The following SPAG16 variants were observed in gnomAD, a reference collection of about 807,000 sequenced individuals.
SPAG16 encodes the protein sperm associated antigen 16.
SPAG16 carries 86 observed loss-of-function variants against 80.4 expected under a neutral mutation model. That is an observed-to-expected ratio of 1.07 (90% confidence interval 0.90 to 1.28). SPAG16 has a LOEUF of 1.28. Among genes scored for constraint, SPAG16 ranks in the 50% most tolerant of loss-of-function variants. The pLI is 0.00. For synonymous variants in SPAG16, 294 were observed against 265.9 expected (o/e 1.11, Z -1.03); for missense variants, 870 against 765.3 (o/e 1.14, Z -1.61).
intron 12 of SPAG16, among the ~76,000 whole-genome samples, chr2:213,976,135 T>TATATATATACACACACACACAC (rs749957411): frequency 2.5e-4 from 20 of 81,398 alleles, no homozygotes; most frequent in African/African-American, 7.2e-4. Flanking sequence ...TATATATATA[T>TATATATATACACACACACACAC]ACACACACAC....
At chr2:214,331,391 A>G (rs1696902571) in intron 15 of SPAG16, among the ~76,000 whole-genome samples, 1 of 152,212 alleles carries the variant, frequency 6.6e-6, no homozygotes, top group Non-Finnish European at 1.5e-5. Flanking sequence ...TGAAGTGACC[A>G]GGTGGCAATC....
intron 13 of SPAG16, among the ~76,000 whole-genome samples, chr2:214,027,744 G>T (rs933492940): frequency 6.6e-6 from 1 of 151,642 alleles, no homozygotes; most frequent in African/African-American, 2.4e-5. Context: ...TAAGCATAAG[G>T]CTACCATTGA....
chr2:213,597,105 C>T (rs1422020879), intron 10 of SPAG16, among the ~76,000 whole-genome samples: 1 of 152,112 alleles, frequency 6.6e-6, no homozygotes, highest in African/African-American at 2.4e-5. Context: ...CAGAAGTGAC[C>T]TTGTCACAAA....
chr2:214,272,637 C>T lies in SPAG16; in HGVS notation c.1720+123371C>T, dbSNP rs569071064. ...GACATGAACTCATCCTTTTTTATGG[C>T]TGCATAGTATTCCATGGTGTATATG... On this transcript the variant is annotated intron_variant, in intron 15 of 15. Coordinates refer to ENST00000331683, the MANE Select transcript of SPAG16 (RefSeq NM_024532.5). 1.2e-3 allele frequency among the ~76,000 whole-genome samples: 190 copies of T among 152,316 alleles called. 1 individual carries two copies. In the Middle Eastern group the frequency reaches 0.014, roughly 11 times the overall value.
Position 213,296,678 on chromosome 2 carries a change from T to C in SPAG16, c.183+568T>C, listed in dbSNP as rs1376440557. 2.6e-5 allele frequency among the ~76,000 whole-genome samples: 4 copies of C among 152,162 alleles called. No homozygotes were observed. The East Asian group carries it at 7.7e-4, about 29-fold the overall frequency. On this transcript the variant is annotated intron_variant, in intron 2 of 15. Transcript: ENST00000331683. ...GAGCCTGGGTGAGCAAGAGACAGGA[T>C]GAAAATTGGAGACAGGCTTTTTATT...
intron 12 of SPAG16, among the ~76,000 whole-genome samples, chr2:213,947,511 C>T (rs1425829376): frequency 1.3e-5 from 2 of 152,026 alleles, no homozygotes; most frequent in Non-Finnish European, 2.9e-5. Flanking sequence ...ACTTTAATTT[C>T]TGGCCTATTT....
intron 12 of SPAG16, among the ~76,000 whole-genome samples, chr2:213,995,798 G>A (rs1161380464): frequency 6.6e-6 from 1 of 152,156 alleles, no homozygotes; most frequent in African/African-American, 2.4e-5. Context: ...GTGAAACTTA[G>A]GACTAGGATC....
At chr2:214,131,078 T>C (rs1163016360) in intron 14 of SPAG16, among the ~76,000 whole-genome samples, 1 of 152,156 alleles carries the variant, frequency 6.6e-6, no homozygotes. Flanking sequence ...ATAAGCATTA[T>C]GCTAGGTGTC....
At chr2:213,506,941 A>G (rs754566895) in intron 10 of SPAG16, among the ~76,000 whole-genome samples, 19 of 152,334 alleles carry the variant, frequency 1.2e-4, no homozygotes, top group Non-Finnish European at 2.4e-4. Context: ...TGCTTTCACA[A>G]TGCTCTCTAG....
At chr2:214,034,624 A>G (rs550432992) in intron 13 of SPAG16, among the ~76,000 whole-genome samples, 34 of 152,354 alleles carry the variant, frequency 2.2e-4, no homozygotes, top group African/African-American at 7.9e-4. Flanking sequence ...GGGCAGCTCC[A>G]GGCACTGACA....
intron 14 of SPAG16, among the ~76,000 whole-genome samples, chr2:214,143,207 T>G (rs2055453402): frequency 6.6e-6 from 1 of 150,566 alleles, no homozygotes; most frequent in Non-Finnish European, 1.5e-5. Context: ...AAAATGGAGG[T>G]GATCACCTAT....
chr2:214,127,509 A>T (rs2054549254), intron 14 of SPAG16, among the ~76,000 whole-genome samples: 1 of 151,836 alleles, frequency 6.6e-6, no homozygotes, highest in Non-Finnish European at 1.5e-5. Flanking sequence ...TCCAAGGAGG[A>T]GGAGAGTTTG....
At chr2:214,303,465 ATGGGGTTT>A (rs1393212478) in intron 15 of SPAG16, among the ~76,000 whole-genome samples, 3 of 152,144 alleles carry the variant, frequency 2.0e-5, no homozygotes, top group African/African-American at 7.2e-5. Context: ...CTTTGAGCTT[ATGGGGTTT>A]CTGTTTAGAA....
intron 1 of SPAG16, among the ~76,000 whole-genome samples, chr2:213,290,899 G>C (rs979402051): frequency 1.3e-5 from 2 of 152,138 alleles, no homozygotes; most frequent in African/African-American, 4.8e-5. Flanking sequence ...ACTTCACTCT[G>C]CCTTTTTTAC....
intron 15 of SPAG16, among the ~76,000 whole-genome samples, chr2:214,224,781 A>G (rs189557165): frequency 6.6e-6 from 1 of 152,328 alleles, no homozygotes; most frequent in African/African-American, 2.4e-5. Flanking sequence ...ACAAATATTT[A>G]TGAAACACCA....
At position 214,307,263 on chromosome 2, in the gene SPAG16, G is replaced by A. The variant is rs143368926; in HGVS notation, c.1721-102877G>A. Reference sequence around the variant, plus strand: ...TTTTTGTTTCTGATTGTGATTATTTGCTCTTCTCTCTTTTCATCTTTATTA... The same window carrying A: ...TTTTTGTTTCTGATTGTGATTATTTACTCTTCTCTCTTTTCATCTTTATTA... On this transcript the variant is annotated intron_variant, in intron 15 of 15. Transcript: ENST00000331683. Among the ~76,000 whole-genome samples, 206 of 151,802 alleles carry A rather than the reference G, an allele frequency of 1.4e-3. 1 individual carries two copies. Among genetic ancestry groups the A allele is most frequent in the African/African-American group, 4.1e-3 (169 of 41,442 alleles).
intron 15 of SPAG16, among the ~76,000 whole-genome samples, chr2:214,306,151 G>A (rs534805821): frequency 5.4e-4 from 82 of 152,234 alleles, no homozygotes; most frequent in Non-Finnish European, 8.8e-4. Context: ...GTGAATGGGA[G>A]TTTGTTCCTG....
chr2:214,313,957 T>C (rs1695506542), intron 15 of SPAG16, among the ~76,000 whole-genome samples: 1 of 152,170 alleles, frequency 6.6e-6, no homozygotes, highest in African/African-American at 2.4e-5. Context: ...AAATATATGA[T>C]TATGCACTGG....
At chr2:213,604,283 C>T (rs1161688040) in intron 10 of SPAG16, among the ~76,000 whole-genome samples, 2 of 152,154 alleles carry the variant, frequency 1.3e-5, no homozygotes, top group East Asian at 3.8e-4. Context: ...CATTTCCCTT[C>T]AATTTCTGAA....
Sources: allele counts gnomAD v4.1 joint callset (sites outside exome capture counted in the v4.1 genomes callset), GRCh38; gene constraint gnomAD v4.1.1; transcripts MANE v1.5; gene names NCBI Gene and HGNC (gene_info 2026-07-23, HGNC 2026-07-21).